STK32A: variants seen among roughly 807,000 people sequenced by gnomAD.
STK32A encodes serine/threonine kinase 32A, also known as serine/threonine-protein kinase 32A.
In STK32A, 41 loss-of-function variants were observed where a neutral mutation model predicts 53.2. The observed-to-expected ratio is 0.77, with a 90% confidence interval of 0.60 to 1.00. The LOEUF is 1.00. Among genes scored for constraint, STK32A ranks in the 50% least tolerant of loss-of-function variants. The probability of loss-of-function intolerance (pLI) is 0.00; values close to 1 mark genes in which losing one functional copy is unlikely to be tolerated. For synonymous variants in STK32A, 166 were observed against 162.8 expected (o/e 1.02, Z -0.15); for missense variants, 458 against 485.8 (o/e 0.94, Z 0.54).
intron 2 of STK32A, among the ~76,000 whole-genome samples, chr5:147,265,477 G>A (rs1021503018): frequency 1.3e-5 from 2 of 152,130 alleles, no homozygotes; most frequent in South Asian, 2.1e-4. Flanking sequence ...ATTTTAGAAA[G>A]ATGAGAGAAT....
chr5:147,372,981 C>A (rs1164093169), intron 9 of STK32A, among the ~76,000 whole-genome samples, 188 bp from the exon 10 acceptor site: 1 of 152,140 alleles, frequency 6.6e-6, no homozygotes, highest in Non-Finnish European at 1.5e-5. Flanking sequence ...TTACTCATCA[C>A]ATTGCAGAAT....
intron 2 of STK32A, among the ~76,000 whole-genome samples, chr5:147,262,622 T>A (rs1754633758): frequency 6.6e-6 from 1 of 150,652 alleles, no homozygotes; most frequent in Non-Finnish European, 1.5e-5. Flanking sequence ...ACAAGACTTC[T>A]AGGGAAAGAT....
At chr5:147,281,253 G>T (rs1454225099) in intron 4 of STK32A, among the ~76,000 whole-genome samples, 2 of 152,014 alleles carry the variant, frequency 1.3e-5, no homozygotes. Context: ...AAACCAAGAA[G>T]AAATCCCTGA....
intron 2 of STK32A, among the ~76,000 whole-genome samples, chr5:147,240,707 T>C (rs1216072397): frequency 2.0e-5 from 3 of 152,248 alleles, no homozygotes; most frequent in African/African-American, 7.2e-5. Context: ...ATTGCTGAAA[T>C]GAAAACTACA....
At chr5:147,398,930 A>C in the STK32A span, 1 of 1,066,688 alleles carries the variant, frequency 9.4e-7, no homozygotes, top group African/African-American at 1.6e-5. Context: ...AACACAGTTG[A>C]GGTTTTGAGC....
intron 4 of STK32A, among the ~76,000 whole-genome samples, chr5:147,284,075 T>A (rs1159001891): frequency 6.6e-6 from 1 of 152,040 alleles, no homozygotes; most frequent in Admixed American, 6.6e-5. Context: ...TAATCCACCA[T>A]GATCAAGTGG....
chr5:147,251,615 T>C (rs1393356480), intron 2 of STK32A, among the ~76,000 whole-genome samples: 2 of 152,212 alleles, frequency 1.3e-5, no homozygotes, highest in Non-Finnish European at 2.9e-5. Flanking sequence ...TGGGAATTGC[T>C]CTTCAGCAAG....
intron 8 of STK32A, 25 bp downstream of exon 8, chr5:147,361,639 GGTTAT>G (rs1458540530): frequency 2.7e-6 from 4 of 1,509,286 alleles, no homozygotes; most frequent in Middle Eastern, 1.7e-4. Context: ...TTTCCTCTTT[GGTTAT>G]TTTTCCAGCA....
intron 2 of STK32A, among the ~76,000 whole-genome samples, chr5:147,269,046 A>T (rs1480225420): frequency 6.6e-6 from 1 of 151,994 alleles, no homozygotes; most frequent in East Asian, 1.9e-4. Flanking sequence ...GGACTCTACC[A>T]CTCTGCCACT....
At chr5:147,259,886 T>TTTCTCTCTCCC (rs1386826990) in intron 2 of STK32A, among the ~76,000 whole-genome samples, 14 of 81,520 alleles carry the variant, frequency 1.7e-4, no homozygotes, top group African/African-American at 6.1e-4. Flanking sequence ...CTCCTGTCTC[T>TTTCTCTCTCCC]CTCTTTCTCT....
At chr5:147,350,271 A>C (rs889006967) in intron 6 of STK32A, among the ~76,000 whole-genome samples, 2 of 150,394 alleles carry the variant, frequency 1.3e-5, no homozygotes, top group Non-Finnish European at 3.0e-5. Flanking sequence ...TTTTAGAAAA[A>C]CTTGAAGAAA....
chr5:147,382,957 C>G (rs906960166), intron 11 of STK32A: 2 of 155,982 alleles, frequency 1.3e-5, no homozygotes, highest in African/African-American at 4.8e-5. Context: ...GCAGCAGTGT[C>G]GGAAGCACAG....
chr5:147,398,239 A>C, the STK32A span, among the ~76,000 whole-genome samples: 1 of 152,122 alleles, frequency 6.6e-6, no homozygotes, highest in Non-Finnish European at 1.5e-5. Context: ...CACAATATTT[A>C]AGCAAAGGCC....
chr5:147,241,631 G>A (rs1159770238), intron 2 of STK32A, among the ~76,000 whole-genome samples: 1 of 152,178 alleles, frequency 6.6e-6, no homozygotes, highest in Non-Finnish European at 1.5e-5. Flanking sequence ...TAGCTGGAAA[G>A]GGGTCTTAAG....
At chr5:147,391,427 G>A (rs1757795793), downstream of STK32A, 1 of 152,584 alleles carries the variant, frequency 6.6e-6, no homozygotes, top group Non-Finnish European at 1.5e-5. Flanking sequence ...AACCGGGATG[G>A]ATTGCCATCT....
chr5:147,302,098 G>T (rs187376217), intron 4 of STK32A, among the ~76,000 whole-genome samples: 259 of 152,230 alleles, frequency 1.7e-3, no homozygotes, highest in African/African-American at 4.5e-3. Flanking sequence ...AGGTTCTGGA[G>T]ATTATAATGT....
chr5:147,351,179 T>G (rs777320082), intron 7 of STK32A, 25 bp downstream of exon 7: 2 of 1,590,082 alleles, frequency 1.3e-6, no homozygotes, highest in South Asian at 1.1e-5. Flanking sequence ...AGTGTCTTTT[T>G]TTTTTCTTTC....
chr5:147,297,827 A>G (rs926483359), intron 4 of STK32A, among the ~76,000 whole-genome samples: 11 of 152,094 alleles, frequency 7.2e-5, no homozygotes, highest in Non-Finnish European at 1.2e-4. Context: ...AAAAATACAA[A>G]AAATTAGCTG....
chr5:147,332,888 TTG>T (rs1236680647), intron 5 of STK32A, among the ~76,000 whole-genome samples: 2 of 152,204 alleles, frequency 1.3e-5, no homozygotes, highest in Non-Finnish European at 2.9e-5. Flanking sequence ...GGCTTTGCAA[TTG>T]TGTTTCTCAC....
Sources: allele counts gnomAD v4.1 joint callset (sites outside exome capture counted in the v4.1 genomes callset), GRCh38; gene constraint gnomAD v4.1.1; transcripts MANE v1.5; gene names NCBI Gene and HGNC (gene_info 2026-07-23, HGNC 2026-07-21).